NTRK2: variants seen among roughly 807,000 people sequenced by gnomAD.
NTRK2 encodes neurotrophic receptor tyrosine kinase 2.
In NTRK2, 13 loss-of-function variants were observed where a neutral mutation model predicts 94.5. The ratio of observed to expected loss-of-function variants is 0.14; its 90% CI spans 0.09 to 0.22. NTRK2 has a LOEUF of 0.22. Ranked by LOEUF, NTRK2 falls within the 10% of genes least tolerant of loss-of-function variation. The pLI is 1.00. For synonymous variants in NTRK2, 372 were observed against 407.4 expected (o/e 0.91, Z 1.05); for missense variants, 639 against 1,071.2 (o/e 0.60, Z 5.63).
chr9:84,825,280 C>T (rs965269844), intron 12 of NTRK2, among the ~76,000 whole-genome samples: 1 of 152,144 alleles, frequency 6.6e-6, no homozygotes, highest in African/African-American at 2.4e-5. Flanking sequence ...CATGCTTCCA[C>T]CCCCTGAGCC....
intron 6 of NTRK2, among the ~76,000 whole-genome samples, chr9:84,719,153 C>T (rs2579371): frequency 0.56 from 84,525 of 151,820 alleles, 23,707 homozygotes; most frequent in East Asian, 0.71. Context: ...ATGTACAGCT[C>T]GGGAGGTAGT....
intron 9 of NTRK2, 82 bp downstream of exon 9, chr9:84,728,041 CA>C: frequency 7.7e-7 from 1 of 1,302,200 alleles, no homozygotes; most frequent in Non-Finnish European, 1.1e-6. Context: ...TACAATAAGC[CA>C]TCCCCCAACC....
chr9:84,841,033 G>GT, intron 12 of NTRK2, among the ~76,000 whole-genome samples: 1 of 152,288 alleles, frequency 6.6e-6, no homozygotes, highest in Non-Finnish European at 1.5e-5. Flanking sequence ...CTGTTGCTGA[G>GT]CCCTGAAGCT....
chr9:84,894,943 A>T (rs1431095960), intron 14 of NTRK2, among the ~76,000 whole-genome samples: 2 of 152,206 alleles, frequency 1.3e-5, no homozygotes, highest in Admixed American at 6.6e-5. Flanking sequence ...TCACAAGAAA[A>T]CATACAGGTT....
chr9:84,971,524 A>T (rs1826181115), intron 17 of NTRK2, among the ~76,000 whole-genome samples: 1 of 152,218 alleles, frequency 6.6e-6, no homozygotes, highest in African/African-American at 2.4e-5. Context: ...ATGAGCAGGA[A>T]GGCCCCGTGG....
chr9:84,992,483 A>G (rs543015679), intron 17 of NTRK2, among the ~76,000 whole-genome samples: 1 of 152,256 alleles, frequency 6.6e-6, no homozygotes, highest in South Asian at 2.1e-4. Context: ...GTAAATTATT[A>G]TAATCTGTTT....
At chr9:84,735,656 G>A (rs1032835482) in intron 9 of NTRK2, among the ~76,000 whole-genome samples, 3 of 152,232 alleles carry the variant, frequency 2.0e-5, no homozygotes, top group Non-Finnish European at 4.4e-5. Context: ...TGAACAAAAA[G>A]TAGAGACAGC....
rs75930876 is a variant in NTRK2 at position 84,734,086 on chromosome 9, T to G, written c.1159+6127T>G. On this transcript the variant is annotated intron_variant, in intron 9 of 18. Transcript: ENST00000277120. Reference sequence around the variant, plus strand: ...CCATGATCTTTGCGGCTTTGAGCAATTTTCTTAACACCTTGGAGTGTGAAG... The same window carrying G: ...CCATGATCTTTGCGGCTTTGAGCAAGTTTCTTAACACCTTGGAGTGTGAAG... 4.7e-3 allele frequency among the ~76,000 whole-genome samples: 714 copies of G among 152,250 alleles called. 9 individuals carry two copies. The highest frequency in any genetic ancestry group is 0.016 in the African/African-American group (678 of 41,548).
chr9:84,815,088 A>T (rs1365597735), intron 12 of NTRK2: 3 of 1,058,172 alleles, frequency 2.8e-6, no homozygotes, highest in Non-Finnish European at 3.4e-6. Context: ...CATGACAATG[A>T]CTGTCGCAGA....
chr9:84,693,357 G>C (rs1430229153), intron 2 of NTRK2, among the ~76,000 whole-genome samples: 1 of 152,058 alleles, frequency 6.6e-6, no homozygotes, highest in African/African-American at 2.4e-5. Flanking sequence ...GAAAGAAAAT[G>C]TTAAGTTTTT....
intron 2 of NTRK2, among the ~76,000 whole-genome samples, chr9:84,696,060 G>T (rs2060355152): frequency 6.6e-6 from 1 of 152,222 alleles, no homozygotes; most frequent in Non-Finnish European, 1.5e-5. Context: ...CCAGGCTGGA[G>T]TGCAGTTGGC....
intron 5 of NTRK2, among the ~76,000 whole-genome samples, chr9:84,708,519 G>T (rs1370680181): frequency 1.3e-5 from 2 of 152,152 alleles, no homozygotes; most frequent in African/African-American, 4.8e-5. Context: ...TAACAGCCAG[G>T]ATTTCCAAGT....
chr9:84,822,900 T>C (rs1250752535), intron 12 of NTRK2, among the ~76,000 whole-genome samples: 2 of 152,212 alleles, frequency 1.3e-5, no homozygotes, highest in Non-Finnish European at 2.9e-5. Flanking sequence ...CAGTAGACAC[T>C]GTCTTATCTG....
chr9:84,787,862 G>A (rs1437506999), intron 12 of NTRK2, among the ~76,000 whole-genome samples: 5 of 152,140 alleles, frequency 3.3e-5, no homozygotes, highest in African/African-American at 1.2e-4. Flanking sequence ...GTGAAGAGCA[G>A]GACTATGGAG....
intron 2 of NTRK2, among the ~76,000 whole-genome samples, chr9:84,692,807 T>C (rs1331117428): frequency 1.3e-5 from 2 of 152,142 alleles, no homozygotes; most frequent in Non-Finnish European, 2.9e-5. Context: ...TGGTAGCATT[T>C]ATTTGATGAG....
chr9:84,698,967 G>A (rs2060554559), intron 2 of NTRK2, among the ~76,000 whole-genome samples: 1 of 152,008 alleles, frequency 6.6e-6, no homozygotes, highest in Non-Finnish European at 1.5e-5. Context: ...TCTATATTGT[G>A]GACATGACTA....
At chr9:84,913,329 A>T (rs1003520494) in intron 14 of NTRK2, among the ~76,000 whole-genome samples, 15 of 152,168 alleles carry the variant, frequency 9.9e-5, no homozygotes, top group Non-Finnish European at 1.5e-4. Flanking sequence ...AAAGTGTGGA[A>T]GCCTTAATCA....
intron 14 of NTRK2, among the ~76,000 whole-genome samples, chr9:84,904,285 C>T (rs2132427026): frequency 6.6e-6 from 1 of 152,252 alleles, no homozygotes; most frequent in South Asian, 2.1e-4. Context: ...TCCAGCCAAC[C>T]TTAATTTTTA....
chr9:84,809,891 A>G (rs1211940408), intron 12 of NTRK2, among the ~76,000 whole-genome samples: 1 of 150,202 alleles, frequency 6.7e-6, no homozygotes, highest in African/African-American at 2.5e-5. Flanking sequence ...GGAAAAAAAA[A>G]AAAAAAAAAA....
Sources: allele counts gnomAD v4.1 joint callset (sites outside exome capture counted in the v4.1 genomes callset), GRCh38; gene constraint gnomAD v4.1.1; transcripts MANE v1.5; gene names NCBI Gene and HGNC (gene_info 2026-07-23, HGNC 2026-07-21).